The following ZFHX3 variants were observed in gnomAD, a reference collection of about 807,000 sequenced individuals.
The protein encoded by ZFHX3 is zinc finger homeobox protein 3.
In ZFHX3, 42 loss-of-function variants were observed where a neutral mutation model predicts 279.1. That is an observed-to-expected ratio of 0.15 (90% CI 0.12 to 0.19). The LOEUF is 0.19. ZFHX3 is among the 10% of genes least tolerant of loss of function. The probability of loss-of-function intolerance (pLI) is 1.00; values close to 1 mark genes in which losing one functional copy is unlikely to be tolerated. For synonymous variants in ZFHX3, 2,293 were observed against 1,957.8 expected, an observed-to-expected ratio of 1.17 and a Z score of -4.52; for missense variants, 4,981 against 4,754.0, an observed-to-expected ratio of 1.05 and a Z score of -1.40.
intron 4 of ZFHX3, among the ~76,000 whole-genome samples, chr16:73,269,346 G>A (rs1319462967): frequency 2.0e-5 from 3 of 152,112 alleles, no homozygotes; most frequent in Non-Finnish European, 4.4e-5. Flanking sequence ...CCTGCCTCCA[G>A]CCCAGGAATC....
chr16:72,870,246 G>A (rs1194783894), intron 4 of ZFHX3, among the ~76,000 whole-genome samples: 1 of 151,936 alleles, frequency 6.6e-6, no homozygotes, highest in African/African-American at 2.4e-5. Flanking sequence ...ACAAAAACTA[G>A]CCAGATGTGG....
intron 4 of ZFHX3, among the ~76,000 whole-genome samples, chr16:73,261,907 T>G (rs1327110625): frequency 1.3e-5 from 2 of 152,138 alleles, no homozygotes; most frequent in African/African-American, 4.8e-5. Context: ...ACTCCTGACC[T>G]CAGGTGATCC....
At chr16:72,863,505 CAGAGAG>C (rs369872583) in intron 4 of ZFHX3, among the ~76,000 whole-genome samples, 1 of 148,250 alleles carries the variant, frequency 6.7e-6, no homozygotes, top group African/African-American at 2.5e-5. Context: ...GTGACAGAGA[CAGAGAG>C]AGAGAGAGAC....
chr16:73,730,242 T>C (rs560811062), intron 1 of ZFHX3, among the ~76,000 whole-genome samples: 2 of 152,004 alleles, frequency 1.3e-5, no homozygotes, highest in African/African-American at 4.8e-5. Context: ...AGAGATAACT[T>C]TGCTTGCACT....
chr16:73,538,769 A>G (rs1326857806), intron 2 of ZFHX3, among the ~76,000 whole-genome samples: 1 of 152,188 alleles, frequency 6.6e-6, no homozygotes, highest in East Asian at 1.9e-4. Flanking sequence ...GAAAAAGTGA[A>G]CAGATAGATC....
Position 72,788,779 on chromosome 16 carries a change from G to A in ZFHX3, c.9497C>T (p.Thr3166Ile), listed in dbSNP as rs143256822. 5.7e-5 allele frequency: 89 copies of A among 1,554,102 alleles called. No homozygotes were observed. The African/African-American group carries it at 9.5e-4, about 17-fold the overall frequency. ...GGACGGTTTATTTGGTAATCCAGAA[G>A]TGGGGAGGCCAGGGGAAGGAACAGT... ...STTVPSPGLP[T>I]SGLPNKPSSA... The change falls in exon 10 of 10, where the codon ACT (threonine) becomes ATT (isoleucine). Residue 3166 changes from threonine (T) to isoleucine (I), a missense_variant. Thr to Ile is a moderately conservative substitution (Grantham distance 89, BLOSUM62 -1). Around this residue, in one of 7 missense-constraint regions of ZFHX3, gnomAD observed 1,034 missense variants for 786.0 expected, o/e 1.32. Coordinates refer to ENST00000268489, the MANE Select transcript of ZFHX3 (RefSeq NM_006885.4).
At chr16:73,389,879 G>C (rs1335993510) in intron 3 of ZFHX3, among the ~76,000 whole-genome samples, 1 of 152,138 alleles carries the variant, frequency 6.6e-6, no homozygotes, top group Non-Finnish European at 1.5e-5. Context: ...GGCCAACACA[G>C]TGAAACCTCA....
chr16:73,023,223 C>G (rs1964370204), intron 1 of ZFHX3, among the ~76,000 whole-genome samples: 1 of 152,182 alleles, frequency 6.6e-6, no homozygotes, highest in Admixed American at 6.5e-5. Flanking sequence ...AAGACTCTGT[C>G]TCAAGAATAA....
At chr16:73,695,043 C>T (rs1394707845) in intron 1 of ZFHX3, among the ~76,000 whole-genome samples, 1 of 152,186 alleles carries the variant, frequency 6.6e-6, no homozygotes, top group Non-Finnish European at 1.5e-5. Flanking sequence ...CACAGCGCTG[C>T]CTCCTTATTG....
intron 2 of ZFHX3, among the ~76,000 whole-genome samples, chr16:73,590,660 C>G (rs1197476714): frequency 6.6e-6 from 1 of 152,154 alleles, no homozygotes; most frequent in African/African-American, 2.4e-5. Context: ...AAGTATTTGT[C>G]AGCATACAAA....
At chr16:73,000,216 G>A (rs990705680) in intron 1 of ZFHX3, among the ~76,000 whole-genome samples, 2 of 152,152 alleles carry the variant, frequency 1.3e-5, no homozygotes, top group Non-Finnish European at 1.5e-5. Context: ...AGGGTCCCTC[G>A]ACCTGTCCCC....
chr16:73,442,227 G>A (rs1012033891), intron 3 of ZFHX3, among the ~76,000 whole-genome samples: 1 of 152,210 alleles, frequency 6.6e-6, no homozygotes, highest in East Asian at 1.9e-4. Flanking sequence ...TGCAGGTGGA[G>A]GCTAGAAGTC....
chr16:73,249,849 C>CACACACAA (rs3222384), intron 5 of ZFHX3, among the ~76,000 whole-genome samples: 1 of 151,414 alleles, frequency 6.6e-6, no homozygotes, highest in Non-Finnish European at 1.5e-5. Flanking sequence ...CACACACACA[C>CACACACAA]AAAATTCAAA....
chr16:73,091,853 A>G (rs1966087411), intron 8 of ZFHX3, among the ~76,000 whole-genome samples: 1 of 152,228 alleles, frequency 6.6e-6, no homozygotes, highest in Admixed American at 6.5e-5. Flanking sequence ...ATGTGATGAC[A>G]TAGGTCTCTT....
At chr16:73,289,473 G>A (rs2014714913) in intron 4 of ZFHX3, among the ~76,000 whole-genome samples, 2 of 152,028 alleles carry the variant, frequency 1.3e-5, no homozygotes. Flanking sequence ...GGCTTTGCAC[G>A]CCATGTGAAG....
intron 1 of ZFHX3, among the ~76,000 whole-genome samples, chr16:73,770,115 T>C (rs2054000862): frequency 6.6e-6 from 1 of 152,228 alleles, no homozygotes; most frequent in Non-Finnish European, 1.5e-5. Context: ...TTGAGCTTGC[T>C]AATCAGATGA....
chr16:73,724,084 C>T (rs1198445408), intron 1 of ZFHX3, among the ~76,000 whole-genome samples: 1 of 152,200 alleles, frequency 6.6e-6, no homozygotes, highest in Non-Finnish European at 1.5e-5. Context: ...AGACAGCCTC[C>T]TTCCTATTCT....
intron 2 of ZFHX3, among the ~76,000 whole-genome samples, chr16:73,639,773 G>C (rs1455241577): frequency 6.6e-6 from 1 of 151,746 alleles, no homozygotes; most frequent in African/African-American, 2.4e-5. Flanking sequence ...AACAGTAAAA[G>C]ACTAAAAAAT....
Position 72,787,728 on chromosome 16 carries a change from G to GCCGCCGCCA in ZFHX3, c.10539_10547dup (p.Gly3525_Gly3527dup), listed in dbSNP as rs1555515357. 49 of 1,397,890 alleles carry GCCGCCGCCA rather than the reference G, an allele frequency of 3.5e-5. No homozygotes were observed. Among genetic ancestry groups the GCCGCCGCCA allele is most frequent in the Non-Finnish European group, 4.6e-5 (49 of 1,070,084 alleles). The allele number at this position is 1,397,890 out of a possible 1,614,324, so 86.6% of individuals were successfully genotyped here. On this transcript the variant is annotated inframe_insertion, in exon 10 of 10. Coordinates refer to ENST00000268489, the MANE Select transcript of ZFHX3 (RefSeq NM_006885.4). ...CGCCGCCGCCGCCGCCACCGCCGCC[G>GCCGCCGCCA]CCGCCGCCACTGCCACCGCCGCCGC...
Sources: gnomAD v4.1 joint callset for allele counts (sites outside exome capture counted in the v4.1 genomes callset) on GRCh38, gnomAD v4.1.1 for gene constraint, gnomAD v4.1.1 regional missense constraint, MANE v1.5 for transcripts, NCBI Gene and HGNC (gene_info 2026-07-23, HGNC 2026-07-21) for gene names.